WWC2: variants seen among roughly 807,000 people sequenced by gnomAD.
WWC2 encodes WW and C2 domain containing 2, also known as protein WWC2.
Under a neutral mutation model 138.5 loss-of-function variants are expected in WWC2, and 101 were observed. The observed-to-expected ratio is 0.73, with a 90% confidence interval of 0.62 to 0.86. WWC2 has a LOEUF of 0.86. Ranked by LOEUF, WWC2 falls within the 40% of genes least tolerant of loss-of-function variation. The probability of loss-of-function intolerance (pLI) is 0.00; values close to 1 mark genes in which losing one functional copy is unlikely to be tolerated. For synonymous variants in WWC2, 558 were observed against 538.4 expected, an observed-to-expected ratio of 1.04 and a Z score of -0.50; for missense variants, 1,420 against 1,419.4, an observed-to-expected ratio of 1.00 and a Z score of -0.01.
At chr4:183,264,639 T>G (rs1394404844) in intron 11 of WWC2, among the ~76,000 whole-genome samples, 1 of 152,148 alleles carries the variant, frequency 6.6e-6, no homozygotes, top group Non-Finnish European at 1.5e-5. Flanking sequence ...GATAGATCAT[T>G]TCCTATTCCT....
chr4:183,217,024 T>C (rs1236597140), intron 4 of WWC2, among the ~76,000 whole-genome samples: 3 of 152,178 alleles, frequency 2.0e-5, no homozygotes, highest in Non-Finnish European at 4.4e-5. Context: ...GGTAATGCCA[T>C]AGTAGTGGGA....
intron 1 of WWC2, among the ~76,000 whole-genome samples, chr4:183,191,222 A>G (rs1346769753): frequency 3.3e-5 from 5 of 152,156 alleles, no homozygotes; most frequent in Non-Finnish European, 7.3e-5. Context: ...TCAATTTTCC[A>G]GGGCAGTTTT....
At chr4:183,146,692 GTGGGGC>G (rs1483440393) in intron 1 of WWC2, among the ~76,000 whole-genome samples, 1 of 152,208 alleles carries the variant, frequency 6.6e-6, no homozygotes, top group African/African-American at 2.4e-5. Context: ...GTATGACAGG[GTGGGGC>G]TGGGGCTGGG....
At chr4:183,311,333 C>G (rs960232479) in intron 21 of WWC2, among the ~76,000 whole-genome samples, 1 of 152,174 alleles carries the variant, frequency 6.6e-6, no homozygotes, top group African/African-American at 2.4e-5. Context: ...TGAGTTACAA[C>G]TACATATAAC....
In WWC2 at chr4:183,265,865, A is replaced by G. The variant is rs902539237; in HGVS notation, c.2121A>G (p.Arg707=). 1.9e-6 allele frequency: 3 copies of G among 1,612,516 alleles called. No homozygotes were observed. The African/African-American group carries it at 4.0e-5, about 22-fold the overall frequency. The change falls in exon 14 of 23, where the codon AGA becomes AGG. Residue 707 remains arginine, a splice_region_variant and synonymous_variant. Transcript: ENST00000403733. ...VETAQVQIGL[R]YNAKSSSFMV... is the part of the protein sequence containing the mutation. ...CTTCATTTAGCCTCTCTTTTGACAG[A>G]TACAATGCAAAAAGTTCAAGTTTCA... is the stretch of plus-strand genomic sequence containing the variant.
chr4:183,296,861 G>A (rs1490310600), intron 21 of WWC2, among the ~76,000 whole-genome samples: 2 of 141,148 alleles, frequency 1.4e-5, no homozygotes, highest in African/African-American at 5.3e-5. Context: ...GTGAACCCCG[G>A]AGGCGGAGCT....
intron 1 of WWC2, among the ~76,000 whole-genome samples, chr4:183,152,531 A>C (rs1579991229): frequency 1.2e-5 from 1 of 83,342 alleles, no homozygotes; most frequent in South Asian, 4.4e-4. Flanking sequence ...AGTGAAACTT[A>C]AAAAAAAAAA....
chr4:183,234,507 T>C (rs138782291), intron 4 of WWC2, among the ~76,000 whole-genome samples: 2 of 152,312 alleles, frequency 1.3e-5, no homozygotes, highest in Non-Finnish European at 2.9e-5. Context: ...TTTATTTAGG[T>C]CATTTTGCTA....
chr4:183,108,425 C>T (rs958024874), intron 1 of WWC2, among the ~76,000 whole-genome samples: 1 of 151,940 alleles, frequency 6.6e-6, no homozygotes, highest in South Asian at 2.1e-4. Flanking sequence ...AATACCTGAC[C>T]AGTACCCCTC....
intron 1 of WWC2, among the ~76,000 whole-genome samples, chr4:183,187,424 C>A (rs932463687): frequency 2.6e-5 from 4 of 151,156 alleles, no homozygotes; most frequent in African/African-American, 9.7e-5. Context: ...CATGGTGGCA[C>A]GCACCTGTAG....
chr4:183,125,364 A>C (rs1732728088), intron 1 of WWC2, among the ~76,000 whole-genome samples: 1 of 152,224 alleles, frequency 6.6e-6, no homozygotes, highest in Non-Finnish European at 1.5e-5. Flanking sequence ...CATTGCTTAT[A>C]GCTTATAGTT....
At chr4:183,185,345 C>T (rs1734760563) in intron 1 of WWC2, among the ~76,000 whole-genome samples, 1 of 152,154 alleles carries the variant, frequency 6.6e-6, no homozygotes, top group African/African-American at 2.4e-5. Flanking sequence ...CTTAAGTAGT[C>T]AGACAATATG....
intron 4 of WWC2, among the ~76,000 whole-genome samples, chr4:183,223,664 A>G (rs987646142): frequency 2.0e-5 from 3 of 152,166 alleles, no homozygotes; most frequent in Non-Finnish European, 4.4e-5. Flanking sequence ...AATATGGTCT[A>G]TATATTGCAA....
intron 1 of WWC2, among the ~76,000 whole-genome samples, chr4:183,123,229 A>C (rs926136229): frequency 3.3e-5 from 5 of 152,198 alleles, no homozygotes; most frequent in African/African-American, 9.6e-5. Flanking sequence ...TTGTAAACCC[A>C]AAAAATTTTG....
At chr4:183,222,328 T>C (rs1016653262) in intron 4 of WWC2, among the ~76,000 whole-genome samples, 1 of 152,102 alleles carries the variant, frequency 6.6e-6, no homozygotes, top group African/African-American at 2.4e-5. Context: ...AACTAATAAA[T>C]AGAATCTATA....
chr4:183,304,578 G>A (rs1381187039), intron 21 of WWC2, among the ~76,000 whole-genome samples: 1 of 152,118 alleles, frequency 6.6e-6, no homozygotes, highest in Non-Finnish European at 1.5e-5. Flanking sequence ...CTTTGGTAAG[G>A]GAAATACTCA....
At chr4:183,266,158 C>A (rs6854052) in intron 14 of WWC2, among the ~76,000 whole-genome samples, 1 of 151,930 alleles carries the variant, frequency 6.6e-6, no homozygotes, top group African/African-American at 2.4e-5. Context: ...CTGATTCTTT[C>A]TAAGAGTAGA....
At chr4:183,219,964 A>G (rs879839107) in intron 4 of WWC2, among the ~76,000 whole-genome samples, 1 of 152,184 alleles carries the variant, frequency 6.6e-6, no homozygotes, top group Non-Finnish European at 1.5e-5. Flanking sequence ...GAGGTAACAC[A>G]CAAGCCCTTT....
rs747105437 is a variant in WWC2, at chr4:183,215,648, TCTCA to T, written c.522+6627_522+6630del. 3.9e-5 allele frequency among the ~76,000 whole-genome samples: 6 copies of T among 152,306 alleles called. No homozygotes were observed. In the East Asian group the frequency reaches 5.8e-4, roughly 15 times the overall value. ...TATTGATTTTATAATGTTTTATTTC[TCTCA>T]CTCTCTATGAGTTTGGCCTCCTTTT... On this transcript the variant is annotated intron_variant, in intron 4 of 22. Coordinates refer to ENST00000403733, the MANE Select transcript of WWC2 (RefSeq NM_024949.6).
Sources: gnomAD v4.1 joint callset for allele counts (sites outside exome capture counted in the v4.1 genomes callset) on GRCh38, gnomAD v4.1.1 for gene constraint, MANE v1.5 for transcripts, NCBI Gene and HGNC (gene_info 2026-07-23, HGNC 2026-07-21) for gene names.